Variants in RIPOR3 observed in about 807,000 individuals in gnomAD.
RIPOR3 encodes RIPOR family member 3, also known as family with sequence similarity 65 member C.
Under a neutral mutation model 114.3 loss-of-function variants are expected in RIPOR3, and 95 were observed. The ratio of observed to expected loss-of-function variants is 0.83; its 90% CI spans 0.70 to 0.99. The LOEUF (loss-of-function observed/expected upper bound fraction) is 0.99, where lower values mean the gene tolerates loss of function less well. Ranked by LOEUF, RIPOR3 falls within the 50% of genes least tolerant of loss-of-function variation. RIPOR3 has a pLI of 0.00. For synonymous variants in RIPOR3, 575 were observed against 543.8 expected, an observed-to-expected ratio of 1.06 and a Z score of -0.80; for missense variants, 1,252 against 1,266.9, an observed-to-expected ratio of 0.99 and a Z score of 0.18.
At chr20:50,630,578 T>C (rs1466208745) in intron 2 of RIPOR3, among the ~76,000 whole-genome samples, 160 bp downstream of exon 2, 1 of 129,912 alleles carries the variant, frequency 7.7e-6, no homozygotes, top group Non-Finnish European at 1.5e-5. Context: ...TCAATCTCTC[T>C]CTCTCTCTCT....
At chr20:50,633,555 T>G (rs1000371848) in intron 1 of RIPOR3, among the ~76,000 whole-genome samples, 1 of 152,056 alleles carries the variant, frequency 6.6e-6, no homozygotes, top group African/African-American at 2.4e-5. Flanking sequence ...AGGGAGGGAT[T>G]CCCAAAGGTG....
intron 1 of RIPOR3, among the ~76,000 whole-genome samples, chr20:50,632,033 A>C (rs2426182): frequency 0.24 from 35,671 of 151,750 alleles, 6,556 homozygotes; most frequent in African/African-American, 0.52. Flanking sequence ...CCAGGGGCCA[A>C]GTCCACCCCA....
At chr20:50,651,668 A>G (rs1358406478) in intron 1 of RIPOR3, among the ~76,000 whole-genome samples, 1 of 152,180 alleles carries the variant, frequency 6.6e-6, no homozygotes, top group Non-Finnish European at 1.5e-5. Flanking sequence ...CGGTTTCCTC[A>G]TCTGTGAAAT....
At position 50,608,468 on chromosome 20, in the gene RIPOR3, A is replaced by G; in HGVS notation, c.877T>C (p.Phe293Leu). The change falls in exon 11 of 22, where the codon TTC becomes CTC. Residue 293 changes from phenylalanine (F) to leucine (L), a missense_variant. Phe to Leu is a conservative substitution (Grantham distance 22, BLOSUM62 0). Coordinates refer to ENST00000327979, the MANE Select transcript of RIPOR3 (RefSeq NM_001290268.2). ...GAVTCDIADF[F>L]TTRPQVIVVD... ...ACGATGACCTGCGGCCGCGTCGTGA[A>G]GAAGTCGGCGATGTCACACGTCACT... 2 of 1,613,982 alleles carry G rather than the reference A, an allele frequency of 1.2e-6. No homozygotes were observed. The highest frequency in any genetic ancestry group is 8.5e-7 in the Non-Finnish European group (1 of 1,179,938).
intron 1 of RIPOR3, among the ~76,000 whole-genome samples, chr20:50,631,072 G>A (rs1211666339): frequency 2.0e-5 from 3 of 152,196 alleles, no homozygotes; most frequent in Non-Finnish European, 4.4e-5. Flanking sequence ...TCGAACCCAG[G>A]TGTCTGTACT....
chr20:50,684,439 G>C (rs1600776979), intron 1 of RIPOR3, among the ~76,000 whole-genome samples: 1 of 152,244 alleles, frequency 6.6e-6, no homozygotes, highest in East Asian at 1.9e-4. Flanking sequence ...AAGGAGGAGA[G>C]ATAAGGTTAG....
chr20:50,632,711 C>T (rs2084857832), intron 1 of RIPOR3, among the ~76,000 whole-genome samples: 1 of 152,244 alleles, frequency 6.6e-6, no homozygotes, highest in African/African-American at 2.4e-5. Flanking sequence ...GAAATCCATA[C>T]AACCCTCTTA....
chr20:50,622,555 G>A (rs1242400996), intron 2 of RIPOR3, among the ~76,000 whole-genome samples: 2 of 152,074 alleles, frequency 1.3e-5, no homozygotes, highest in African/African-American at 4.8e-5. Flanking sequence ...GGGAATAACG[G>A]TATGCTGGAA....
rs2082947683 is a variant in RIPOR3 at position 50,587,222 on chromosome 20, C to T, written c.*10G>A. On this transcript the variant is annotated 3_prime_UTR_variant, in exon 22 of 22. Coordinates refer to ENST00000327979, the MANE Select transcript of RIPOR3 (RefSeq NM_001290268.2). Reference sequence around the variant, plus strand: ...ACGATGTGAGATTTGTGCTCATCAGCCAGGATTTTTTAAAATATTGTGATT... The same window carrying T: ...ACGATGTGAGATTTGTGCTCATCAGTCAGGATTTTTTAAAATATTGTGATT... The T allele has an allele frequency of 1.2e-6, 2 of 1,609,976 alleles. No individual in the cohort carries two copies. The highest frequency in any genetic ancestry group is 4.5e-5 in the East Asian group (2 of 44,872).
At chr20:50,666,195 T>TTCTTTTCTTTTCTTTTCTTTTC (rs2086211233) in intron 1 of RIPOR3, among the ~76,000 whole-genome samples, 1 of 97,082 alleles carries the variant, frequency 1.0e-5, no homozygotes, top group Non-Finnish European at 2.0e-5. Flanking sequence ...TTCTTTTCTT[T>TTCTTTTCTTTTCTTTTCTTTTC]TCTTTTCTTT....
At chr20:50,676,769 CTTTT>C (rs1310891448) in intron 1 of RIPOR3, among the ~76,000 whole-genome samples, 5 of 132,836 alleles carry the variant, frequency 3.8e-5, no homozygotes, top group Admixed American at 7.6e-5. Context: ...CCAGATTCTA[CTTTT>C]TTTTTTTTTT....
At chr20:50,656,399 G>T (rs1411464021) in intron 1 of RIPOR3, among the ~76,000 whole-genome samples, 1 of 152,142 alleles carries the variant, frequency 6.6e-6, no homozygotes, top group Non-Finnish European at 1.5e-5. Context: ...GTAAACAAGA[G>T]AAAGTATATA....
intron 1 of RIPOR3, chr20:50,645,929 T>C (rs1334960907): frequency 6.6e-6 from 1 of 152,264 alleles, no homozygotes; most frequent in African/African-American, 2.4e-5. Flanking sequence ...CCTGCTGTTC[T>C]GGTTTTTCTT....
Position 50,691,401 on chromosome 20 carries a change from T to C in RIPOR3, c.-273A>G, listed in dbSNP as rs1006898932. On this transcript the variant is annotated 5_prime_UTR_variant, in exon 1 of 22. Coordinates refer to ENST00000327979, the MANE Select transcript of RIPOR3 (RefSeq NM_001290268.2). ...TGATAATGCAGCCGGGACTCTTATC[T>C]GGCCTGTGTCAGGGTGCAGGCGGCC... is the stretch of plus-strand genomic sequence containing the variant. 6.1e-6 allele frequency: 2 copies of C among 327,398 alleles called. No individual in the cohort carries two copies. Among genetic ancestry groups the C allele is most frequent in the Admixed American group, 8.1e-5 (2 of 24,598 alleles). 20.3% of individuals were successfully genotyped at this position (327,398 alleles called of 1,614,324 possible). A position where few individuals can be genotyped will look rare whatever the true frequency, so the allele number is the denominator to read the frequency against.
At chr20:50,666,267 G>A (rs1484184374) in intron 1 of RIPOR3, among the ~76,000 whole-genome samples, 1 of 96,548 alleles carries the variant, frequency 1.0e-5, no homozygotes, top group Admixed American at 1.5e-4. Flanking sequence ...GTCACGCTCT[G>A]TTGCTGGAGT....
chr20:50,683,510 T>C (rs983233358), intron 1 of RIPOR3, among the ~76,000 whole-genome samples: 1 of 151,752 alleles, frequency 6.6e-6, no homozygotes, highest in African/African-American at 2.4e-5. Context: ...TGGAGTGCAG[T>C]GGTGAGATCT....
intron 1 of RIPOR3, among the ~76,000 whole-genome samples, chr20:50,643,231 C>T (rs946876859): frequency 4.0e-5 from 6 of 151,362 alleles, no homozygotes; most frequent in Non-Finnish European, 8.8e-5. Context: ...CAGTGATTCT[C>T]CCGCCTCAGC....
Position 50,592,396 on chromosome 20 carries a change from G to A in RIPOR3, c.2525C>T (p.Ala842Val), listed in dbSNP as rs201227209. Residue 842 changes from alanine to valine, a missense_variant, in exon 19 of 22, where the codon GCG (alanine) becomes GTG (valine). Transcript: ENST00000327979. ...QLDGTPRVCR[A>V]ASARLAGAVR... is the part of the protein sequence containing the mutation. The stretch of plus-strand genomic sequence containing the variant: ...TGCACCAGCCAGGCGAGCGCTGGCC[G>A]CCCTGCACACCCTCGGAGTGCCGTC... 26 of 1,608,478 alleles carry A rather than the reference G, an allele frequency of 1.6e-5. No homozygotes were observed. The highest frequency in any genetic ancestry group is 2.2e-5 in the South Asian group (2 of 90,672).
intron 1 of RIPOR3, among the ~76,000 whole-genome samples, chr20:50,671,326 G>T (rs2123530315): frequency 6.6e-6 from 1 of 152,238 alleles, no homozygotes; most frequent in African/African-American, 2.4e-5. Context: ...TATGGCAAAA[G>T]GGACAGGATG....
Sources: allele counts gnomAD v4.1 joint callset (sites outside exome capture counted in the v4.1 genomes callset), GRCh38; gene constraint gnomAD v4.1.1; transcripts MANE v1.5; gene names NCBI Gene and HGNC (gene_info 2026-07-23, HGNC 2026-07-21).